Variants in KANSL2 observed in about 807,000 individuals in gnomAD.
The protein encoded by KANSL2 is KAT8 regulatory NSL complex subunit 2, also known as NSL complex protein NSL2.
KANSL2 carries 34 observed loss-of-function variants against 55.6 expected under a neutral mutation model. The observed-to-expected ratio is 0.61, with a 90% CI of 0.46 to 0.81. KANSL2 has a LOEUF of 0.81. Among genes scored for constraint, KANSL2 ranks in the 40% least tolerant of loss-of-function variants. KANSL2 has a pLI of 0.00. For missense variants in KANSL2, 502 were observed against 609.9 expected (o/e 0.82, Z 1.86); for synonymous variants, 209 against 214.3 (o/e 0.98, Z 0.22).
Position 48,681,425 on chromosome 12 carries a change from T to C in KANSL2, c.208A>G (p.Lys70Glu). 6.2e-7 allele frequency: 1 copy of C among 1,613,882 alleles called. No homozygotes were observed. Among genetic ancestry groups the C allele is most frequent in the Non-Finnish European group, 8.5e-7 (1 of 1,179,830 alleles). The change falls in exon 2 of 10, where the codon AAA becomes GAA. Residue 70 changes from lysine to glutamate, a missense_variant. Coordinates refer to ENST00000420613, the MANE Select transcript of KANSL2 (RefSeq NM_017822.4). The stretch of plus-strand genomic sequence containing the variant: ...TTTGGGGCAGCATTGGGACATCTTT[T>C]TCCATTCTTCGTCGATATATAACTA... ...QCSYISTKNG[K>E]RCPNAAPKPE...
chr12:48,667,271 T>C (rs1565606622), intron 7 of KANSL2, among the ~76,000 whole-genome samples: 1 of 152,126 alleles, frequency 6.6e-6, no homozygotes, highest in African/African-American at 2.4e-5. Flanking sequence ...TGCAAAATCA[T>C]CCTTTCAACT....
chr12:48,666,557 G>C (rs950460501), intron 7 of KANSL2, among the ~76,000 whole-genome samples: 1 of 151,974 alleles, frequency 6.6e-6, no homozygotes, highest in East Asian at 1.9e-4. Context: ...GCCAGGCGTG[G>C]TGGCACGTGC....
intron 4 of KANSL2, among the ~76,000 whole-genome samples, chr12:48,672,430 TATA>T (rs1286374526): frequency 2.0e-4 from 20 of 100,372 alleles, no homozygotes; most frequent in Non-Finnish European, 3.8e-4. Context: ...TATATATATA[TATA>T]TTTTTTTTTT....
intron 9 of KANSL2, among the ~76,000 whole-genome samples, chr12:48,654,703 T>TA (rs1424432491): frequency 6.6e-6 from 1 of 152,228 alleles, no homozygotes; most frequent in Non-Finnish European, 1.5e-5. Flanking sequence ...CACGGGCCAT[T>TA]AGGTGTTCTA....
intron 4 of KANSL2, among the ~76,000 whole-genome samples, chr12:48,677,112 T>A (rs1939835404): frequency 6.6e-6 from 1 of 152,194 alleles, no homozygotes; most frequent in African/African-American, 2.4e-5. Flanking sequence ...CTAAATTTTT[T>A]TAAAAAATAA....
In KANSL2 at chr12:48,667,561, T is replaced by C. The variant is rs370750576; in HGVS notation, c.973+132A>G. On this transcript the variant is annotated intron_variant, in intron 7 of 9. Coordinates refer to ENST00000420613, the MANE Select transcript of KANSL2 (RefSeq NM_017822.4). ...TAGGCTCCTGCTTGAAACCAACAGC[T>C]TCAGCAAACTGCTGGCCTTGATTCA... The C allele has an allele frequency of 9.8e-5, 77 of 784,982 alleles. No homozygotes were observed. The African/African-American group carries it at 1.3e-3, about 13-fold the overall frequency. The allele number at this position is 784,982 out of a possible 1,614,324, so 48.6% of individuals were successfully genotyped here.
chr12:48,661,557 T>C (rs767001863), intron 7 of KANSL2, among the ~76,000 whole-genome samples: 9 of 152,220 alleles, frequency 5.9e-5, no homozygotes, highest in Admixed American at 1.3e-4. Flanking sequence ...GAAAACACAA[T>C]TTTTCTTAAA....
chr12:48,667,386 T>C (rs930247936), intron 7 of KANSL2: 28 of 362,590 alleles, frequency 7.7e-5, no homozygotes, highest in African/African-American at 4.6e-4. Flanking sequence ...ATTACAAATA[T>C]TTTATGTATA....
intron 9 of KANSL2, chr12:48,654,605 C>A: frequency 1.8e-6 from 1 of 556,988 alleles, no homozygotes; most frequent in South Asian, 1.6e-5. Context: ...CAGTGATGAA[C>A]TCTCCCTCAG....
intron 7 of KANSL2, among the ~76,000 whole-genome samples, chr12:48,661,973 G>C (rs201551724): frequency 5.3e-5 from 8 of 152,172 alleles, no homozygotes; most frequent in African/African-American, 1.4e-4. Context: ...TTTATTGAAT[G>C]ATCAAATGAA....
intron 4 of KANSL2, among the ~76,000 whole-genome samples, chr12:48,675,515 TATAG>T: frequency 6.6e-6 from 1 of 152,356 alleles, no homozygotes; most frequent in African/African-American, 2.4e-5. Flanking sequence ...CTTAACCTAA[TATAG>T]AGTTTGTTAA....
At chr12:48,654,214 T>C (rs1234285655) in intron 9 of KANSL2, 39 bp from the exon 10 acceptor site, 3 of 1,575,800 alleles carry the variant, frequency 1.9e-6, no homozygotes, top group East Asian at 2.2e-5. Context: ...TAGTAATTCA[T>C]TCACTGTGGT....
chr12:48,681,797 A>C (rs781140283), intron 1 of KANSL2, 156 bp from the exon 2 acceptor site: 7 of 902,924 alleles, frequency 7.8e-6, no homozygotes, highest in Admixed American at 2.0e-5. Context: ...CTCCACAGGC[A>C]TCTGTGGCTT....
At chr12:48,667,829 A>G (rs760812243) in intron 6 of KANSL2, 40 bp from the exon 7 acceptor site, 2 of 1,360,282 alleles carry the variant, frequency 1.5e-6, no homozygotes, top group Admixed American at 3.4e-5. Context: ...CCCACAAAAG[A>G]ACACACAAAC....
chr12:48,659,474 T>C (rs1939449935), intron 8 of KANSL2, among the ~76,000 whole-genome samples: 1 of 151,856 alleles, frequency 6.6e-6, no homozygotes, highest in Admixed American at 6.6e-5. Context: ...AAATAAAAAA[T>C]TGGCTGGGCA....
In KANSL2 at chr12:48,681,649, G is replaced by T; in HGVS notation, c.-9-8C>A. On this transcript the variant is annotated splice_polypyrimidine_tract_variant and splice_region_variant and intron_variant, in intron 1 of 9. Transcript: ENST00000420613. Reference sequence around the variant, plus strand: ...CCTGTTCATAACCAAAACCTGCGGGGTCAAACGAAAGACCAAAAAGCCCTT... The same window carrying T: ...CCTGTTCATAACCAAAACCTGCGGGTTCAAACGAAAGACCAAAAAGCCCTT... 6.2e-7 allele frequency: 1 copy of T among 1,613,938 alleles called. No individual in the cohort carries two copies. The highest frequency in any genetic ancestry group is 8.5e-7 in the Non-Finnish European group (1 of 1,179,888).
intron 7 of KANSL2, among the ~76,000 whole-genome samples, chr12:48,666,797 AC>A (rs1939609590): frequency 6.6e-6 from 1 of 151,764 alleles, no homozygotes; most frequent in South Asian, 2.1e-4. Context: ...GAATTGCTTG[AC>A]CCAGGAGTTA....
At chr12:48,677,927 C>T (rs1314225914) in intron 4 of KANSL2, among the ~76,000 whole-genome samples, 1 of 151,708 alleles carries the variant, frequency 6.6e-6, no homozygotes, top group Non-Finnish European at 1.5e-5. Flanking sequence ...AATAGTTGAC[C>T]ACAGTGAGAT....
intron 7 of KANSL2, among the ~76,000 whole-genome samples, chr12:48,663,891 A>T (rs1939534953): frequency 6.7e-6 from 1 of 150,338 alleles, no homozygotes; most frequent in Non-Finnish European, 1.5e-5. Context: ...TATAGTGAAG[A>T]TACACACTTT....
Sources: allele counts gnomAD v4.1 joint callset (sites outside exome capture counted in the v4.1 genomes callset), GRCh38; gene constraint gnomAD v4.1.1; transcripts MANE v1.5; gene names NCBI Gene and HGNC (gene_info 2026-07-23, HGNC 2026-07-21).